KLHL18: variants seen among roughly 807,000 people sequenced by gnomAD.
KLHL18 encodes the protein kelch like family member 18, also known as kelch-like protein 18.
KLHL18 carries 38 observed loss-of-function variants against 58.5 expected under a neutral mutation model. The ratio of observed to expected loss-of-function variants is 0.65; its 90% CI spans 0.50 to 0.85. KLHL18 has a LOEUF of 0.85. Among genes scored for constraint, KLHL18 ranks in the 40% least tolerant of loss-of-function variants. KLHL18 has a pLI of 0.00. For missense variants in KLHL18, 624 were observed against 778.4 expected (o/e 0.80, Z 2.36); for synonymous variants, 303 against 301.9 (o/e 1.00, Z -0.04).
In KLHL18 at chr3:47,340,664, C is replaced by T; in HGVS notation, c.1214C>T (p.Pro405Leu). 6.2e-7 allele frequency: 1 copy of T among 1,614,002 alleles called. No individual in the cohort carries two copies. The change falls in exon 8 of 10, where the codon CCT (proline) becomes CTT (leucine). Residue 405 changes from proline to leucine, a missense_variant. Coordinates refer to ENST00000232766, the MANE Select transcript of KLHL18 (RefSeq NM_025010.5). ...CTCAGCTCCGTGGAGACCTACTCACCTGAGACGGACAAGTAAGGACTCCAG... is the reference window on the plus strand; with the variant it reads ...CTCAGCTCCGTGGAGACCTACTCACTTGAGACGGACAAGTAAGGACTCCAG... ...SSLSSVETYS[P>L]ETDKWTVVTS...
chr3:47,284,787 T>G (rs1215762771), intron 1 of KLHL18, among the ~76,000 whole-genome samples: 1 of 152,148 alleles, frequency 6.6e-6, no homozygotes, highest in African/African-American at 2.4e-5. Context: ...TTGAGCAAGT[T>G]ACTTAATCTC....
At chr3:47,330,555 G>C (rs1703832943) in intron 4 of KLHL18, among the ~76,000 whole-genome samples, 1 of 152,116 alleles carries the variant, frequency 6.6e-6, no homozygotes, top group East Asian at 1.9e-4. Flanking sequence ...GCCTCCCAAA[G>C]TGCTGGGATT....
intron 1 of KLHL18, among the ~76,000 whole-genome samples, chr3:47,288,474 C>T (rs1399701989): frequency 2.0e-5 from 3 of 152,156 alleles, no homozygotes; most frequent in Non-Finnish European, 2.9e-5. Flanking sequence ...AATTAATCTA[C>T]CTCAGGTCTA....
intron 8 of KLHL18, among the ~76,000 whole-genome samples, chr3:47,341,928 A>T (rs916139019): frequency 1.3e-5 from 2 of 151,106 alleles, no homozygotes; most frequent in African/African-American, 4.9e-5. Flanking sequence ...GGAGAGAGAG[A>T]AAAAAACATT....
At chr3:47,324,157 G>A (rs56330706) in intron 3 of KLHL18, among the ~76,000 whole-genome samples, 1 of 152,228 alleles carries the variant, frequency 6.6e-6, no homozygotes, top group Middle Eastern at 3.4e-3. Flanking sequence ...GGGCAGGCCA[G>A]AGGGTGCATA....
At chr3:47,312,281 C>G (rs1472985257) in intron 1 of KLHL18, among the ~76,000 whole-genome samples, 1 of 152,092 alleles carries the variant, frequency 6.6e-6, no homozygotes, top group Admixed American at 6.6e-5. Context: ...AGATTCATTT[C>G]TTTTTTTCTG....
At chr3:47,324,384 G>A in intron 3 of KLHL18, among the ~76,000 whole-genome samples, 1 of 136,036 alleles carries the variant, frequency 7.4e-6, no homozygotes, top group Non-Finnish European at 1.5e-5. Flanking sequence ...AAATGACTCT[G>A]TGGCTAAGTA....
chr3:47,294,061 A>T (rs1357195015), intron 1 of KLHL18, among the ~76,000 whole-genome samples: 1 of 152,148 alleles, frequency 6.6e-6, no homozygotes, highest in African/African-American at 2.4e-5. Flanking sequence ...TCTTTTACCT[A>T]ACCCAGGATT....
intron 1 of KLHL18, among the ~76,000 whole-genome samples, chr3:47,300,637 C>CTTTTTTT (rs10687949): frequency 0.029 from 2,248 of 76,902 alleles, 304 homozygotes; most frequent in Admixed American, 0.08. Context: ...CATTGTGATT[C>CTTTTTTT]TTTTTTTTTT....
At position 47,283,218 on chromosome 3, in the gene KLHL18, G is replaced by C; in HGVS notation, c.129+124G>C. 9 of 510,490 alleles carry C rather than the reference G, an allele frequency of 1.8e-5. No individual in the cohort carries two copies. In the East Asian group the frequency reaches 2.5e-4, roughly 14 times the overall value. 31.6% of individuals were successfully genotyped at this position (510,490 alleles called of 1,614,324 possible). ...GGTGGGGAGAAGAGGTGTGAGGGGG[G>C]CCGAGTAGTGGGGAGAGAGGTGCCG... On this transcript the variant is annotated intron_variant, in intron 1 of 9. Transcript: ENST00000232766.
rs370343968 is a variant in KLHL18, at chr3:47,287,134, TTTC to T, written c.129+4048_129+4050del. On this transcript the variant is annotated intron_variant, in intron 1 of 9. Transcript: ENST00000232766. ...GTCAGTTACTACTCATGTGTCTTCT[TTTC>T]TTCTTCTAAAATTTTGTTGACCCTT... 24 of 152,318 alleles carry T rather than the reference TTTC, an allele frequency of 1.6e-4. No individual in the cohort carries two copies. In the East Asian group the frequency reaches 2.1e-3, roughly 13 times the overall value. 9.4% of individuals were successfully genotyped at this position (152,318 alleles called of 1,614,324 possible).
intron 3 of KLHL18, among the ~76,000 whole-genome samples, chr3:47,326,709 G>T (rs1278446906): frequency 6.6e-6 from 1 of 151,842 alleles, no homozygotes; most frequent in East Asian, 1.9e-4. Flanking sequence ...ACCTGAGGTC[G>T]GGAGTTCGAG....
intron 9 of KLHL18, 26 bp downstream of exon 9, chr3:47,342,856 A>G: frequency 6.7e-7 from 1 of 1,496,944 alleles, no homozygotes; most frequent in Non-Finnish European, 9.3e-7. Context: ...CCCTGGGATA[A>G]GGGTACCTAC....
chr3:47,336,530 T>C lies in KLHL18; in HGVS notation c.899-5T>C. The C allele has an allele frequency of 1.9e-6, 3 of 1,609,572 alleles. No individual in the cohort carries two copies. Among genetic ancestry groups the C allele is most frequent in the Non-Finnish European group, 2.6e-6 (3 of 1,175,962 alleles). On this transcript the variant is annotated splice_region_variant and splice_polypyrimidine_tract_variant and intron_variant, in intron 6 of 9. Transcript: ENST00000232766. ...TTTTAATTTGAGTAGCAAATTTTTA[T>C]GCAGGTGATTCCCTGAATGTGGTGG...
chr3:47,322,822 A>G, intron 3 of KLHL18, 114 bp downstream of exon 3: 1 of 1,036,190 alleles, frequency 9.7e-7, no homozygotes, highest in South Asian at 2.6e-5. Flanking sequence ...AGTGAGCTGG[A>G]AAGGTTATTC....
chr3:47,331,039 G>A (rs952942516), intron 4 of KLHL18, among the ~76,000 whole-genome samples: 5 of 151,446 alleles, frequency 3.3e-5, no homozygotes, highest in African/African-American at 1.2e-4. Context: ...GCCTAGTATA[G>A]ATAACTTTTT....
intron 4 of KLHL18, among the ~76,000 whole-genome samples, chr3:47,332,574 C>G (rs1703888828): frequency 8.5e-6 from 1 of 117,122 alleles, no homozygotes; most frequent in Admixed American, 1.2e-4. Flanking sequence ...CTGTCCCTAG[C>G]TCTTAAACTA....
intron 1 of KLHL18, among the ~76,000 whole-genome samples, chr3:47,315,126 A>G (rs1370586555): frequency 2.6e-5 from 4 of 152,212 alleles, no homozygotes; most frequent in Non-Finnish European, 5.9e-5. Flanking sequence ...TGAGAAATCA[A>G]TGGAATATTA....
At chr3:47,331,272 G>A (rs1703852527) in intron 4 of KLHL18, among the ~76,000 whole-genome samples, 2 of 151,488 alleles carry the variant, frequency 1.3e-5, no homozygotes, top group South Asian at 4.2e-4. Flanking sequence ...GATTACAGGT[G>A]CCCGCTACCA....
Sources: gnomAD v4.1 joint callset for allele counts (sites outside exome capture counted in the v4.1 genomes callset) on GRCh38, gnomAD v4.1.1 for gene constraint, MANE v1.5 for transcripts, NCBI Gene and HGNC (gene_info 2026-07-23, HGNC 2026-07-21) for gene names.